The following UGT1A6 variants were observed in gnomAD, a reference collection of about 807,000 sequenced individuals.
UGT1A6 encodes the protein UDP glucuronosyltransferase family 1 member A6.
A neutral mutation model predicts 44.4 loss-of-function variants in UGT1A6; 32 were observed. The observed-to-expected ratio is 0.72, with a 90% CI of 0.54 to 0.97. The LOEUF (loss-of-function observed/expected upper bound fraction) is 0.97, where lower values mean the gene tolerates loss of function less well. UGT1A6 is among the 50% of genes least tolerant of loss of function. UGT1A6 has a pLI of 0.00. For missense variants in UGT1A6, 685 were observed against 661.9 expected (o/e 1.03, Z -0.38); for synonymous variants, 238 against 248.5 (o/e 0.96, Z 0.40).
chr2:233,695,130 C>CTTTCTTTTTTTTTTT (rs1364557158), intron 1 of UGT1A6, among the ~76,000 whole-genome samples: 3 of 138,838 alleles, frequency 2.2e-5, no homozygotes, highest in South Asian at 2.3e-4. Flanking sequence ...CTTTTCTTTT[C>CTTTCTTTTTTTTTTT]TTTTTTTTTT....
rs1392909464 is a variant in UGT1A6 at position 233,754,916 on chromosome 2, C to T, written c.862-12118C>T. 5.9e-6 allele frequency: 8 copies of T among 1,353,400 alleles called. No homozygotes were observed. The Admixed American group carries it at 9.5e-5, about 16-fold the overall frequency. The allele number at this position is 1,353,400 out of a possible 1,614,324, so 83.8% of individuals were successfully genotyped here. On this transcript the variant is annotated intron_variant, in intron 1 of 4. Coordinates refer to ENST00000305139, the MANE Select transcript of UGT1A6 (RefSeq NM_001072.4). ...TCTGACCCCCCAAAATATTCTCCAG[C>T]GGGTTTCCCAAGAGGTCAAAGGAGA...
intron 1 of UGT1A6, chr2:233,717,940 C>T: frequency 2.2e-6 from 1 of 453,716 alleles, no homozygotes; most frequent in Non-Finnish European, 4.4e-6. Context: ...AGTCTCTATG[C>T]AGACTTGCAG....
intron 1 of UGT1A6, chr2:233,738,996 C>T (rs1041933241): frequency 6.6e-6 from 1 of 152,238 alleles, no homozygotes; most frequent in African/African-American, 2.4e-5. Context: ...GACTTGGTGC[C>T]CTGTGTCCCA....
rs759983270 is a variant in UGT1A6, at chr2:233,693,171, T to C, written c.167T>C (p.Ile56Thr). The C allele has an allele frequency of 3.6e-5, 58 of 1,613,992 alleles. No individual in the cohort carries two copies. The highest frequency in any genetic ancestry group is 4.7e-5 in the Non-Finnish European group (56 of 1,179,992). Residue 56 changes from isoleucine (I) to threonine (T), a missense_variant, in exon 1 of 5, where the codon ATT becomes ACT. Ile to Thr is a moderately conservative substitution (Grantham distance 89). Transcript: ENST00000305139. The part of the protein sequence containing the change: ...VEVLSDRGHE[I>T]VVVVPEVNLL... Reference sequence around the variant, plus strand: ...GTTCTCAGTGACCGGGGTCATGAGATTGTAGTGGTGGTGCCTGAAGTTAAT... The same window carrying C: ...GTTCTCAGTGACCGGGGTCATGAGACTGTAGTGGTGGTGCCTGAAGTTAAT...
intron 1 of UGT1A6, among the ~76,000 whole-genome samples, chr2:233,698,445 A>G (rs2125575630): frequency 6.6e-6 from 1 of 152,352 alleles, no homozygotes; most frequent in South Asian, 2.1e-4. Flanking sequence ...GATATATCAC[A>G]GATCATAGAA....
chr2:233,712,953 C>T (rs759675918), intron 1 of UGT1A6: 31 of 1,612,662 alleles, frequency 1.9e-5, no homozygotes, highest in Middle Eastern at 2.0e-4. Context: ...GGAGGCACAA[C>T]GTGGGGTGGA....
intron 1 of UGT1A6, among the ~76,000 whole-genome samples, chr2:233,750,063 C>T (rs556183809): frequency 6.6e-6 from 1 of 151,926 alleles, no homozygotes; most frequent in South Asian, 2.1e-4. Flanking sequence ...GACTTTGGAA[C>T]TGGGTAACAG....
In UGT1A6 at chr2:233,729,061, T is replaced by C. The variant is rs3806596; in HGVS notation, c.861+35196T>C. On this transcript the variant is annotated intron_variant, in intron 1 of 4. Transcript: ENST00000305139. ...TGGCTCAGTGACAAGGTAATTAAGA[T>C]GAAGAAAGCAAATGTAGCAGGCACA... The C allele has an allele frequency of 0.47, 753,810 of 1,610,256 alleles. 184,343 individuals are homozygous for C. Among genetic ancestry groups the C allele is most frequent in the African/African-American group, 0.83 (61,848 of 74,960 alleles).
intron 1 of UGT1A6, among the ~76,000 whole-genome samples, chr2:233,731,168 T>A (rs1313291260): frequency 6.6e-6 from 1 of 152,138 alleles, no homozygotes; most frequent in Non-Finnish European, 1.5e-5. Flanking sequence ...AACGACATGA[T>A]TTTTTTATGC....
chr2:233,697,556 A>T, intron 1 of UGT1A6, among the ~76,000 whole-genome samples: 1 of 140,582 alleles, frequency 7.1e-6, no homozygotes, highest in African/African-American at 2.7e-5. Context: ...TTGTTTATTT[A>T]GCCTCAATTT....
rs4124874 is a variant in UGT1A6, at chr2:233,757,013, T to G, written c.862-10021T>G. On this transcript the variant is annotated intron_variant, in intron 1 of 4. Coordinates refer to ENST00000305139, the MANE Select transcript of UGT1A6 (RefSeq NM_001072.4). ...AAGCTGGCCAAGGGTAGAGTTCAGT[T>G]TGAACAAAGCAATTTGAGAACATCA... Among the ~76,000 whole-genome samples the G allele has an allele frequency of 0.56, 83,838 of 151,034 alleles. 25,476 individuals are homozygous for G. The highest frequency in any genetic ancestry group is 0.82 in the African/African-American group (33,726 of 41,116).
Position 233,693,150 on chromosome 2 carries a change from T to G in UGT1A6, c.146T>G (p.Leu49Arg), listed in dbSNP as rs768130153. ...AGTATGAAGGATATAGTTGAGGTTC[T>G]CAGTGACCGGGGTCATGAGATTGTA... ...WLSMKDIVEV[L>R]SDRGHEIVVV... The change falls in exon 1 of 5, where the codon CTC becomes CGC. Residue 49 changes from leucine (L) to arginine (R), a missense_variant. Coordinates refer to ENST00000305139, the MANE Select transcript of UGT1A6 (RefSeq NM_001072.4). 12 of 1,614,140 alleles carry G rather than the reference T, an allele frequency of 7.4e-6. No individual in the cohort carries two copies. The Admixed American group carries it at 2.0e-4, about 27-fold the overall frequency.
At chr2:233,748,764 A>G (rs1260717219) in intron 1 of UGT1A6, among the ~76,000 whole-genome samples, 3 of 151,530 alleles carry the variant, frequency 2.0e-5, no homozygotes, top group Non-Finnish European at 4.4e-5. Flanking sequence ...TTTTGGTTGC[A>G]GGTCAATTGG....
intron 1 of UGT1A6, among the ~76,000 whole-genome samples, chr2:233,764,040 T>A (rs1199805174): frequency 6.6e-6 from 1 of 152,160 alleles, no homozygotes; most frequent in East Asian, 1.9e-4. Flanking sequence ...AAAGAAGAAT[T>A]CTGGGAAAAT....
chr2:233,742,382 T>C (rs1691962910), intron 1 of UGT1A6, among the ~76,000 whole-genome samples: 1 of 152,014 alleles, frequency 6.6e-6, no homozygotes, highest in Admixed American at 6.5e-5. Flanking sequence ...AAGGCACAGA[T>C]GGCTCATGTT....
chr2:233,694,449 C>T (rs182709134), intron 1 of UGT1A6, among the ~76,000 whole-genome samples: 1 of 152,296 alleles, frequency 6.6e-6, no homozygotes. Context: ...TACTGACTGG[C>T]CTTTTCAGCA....
At chr2:233,747,772 G>T in intron 1 of UGT1A6, 1 of 1,613,482 alleles carries the variant, frequency 6.2e-7, no homozygotes, top group Non-Finnish European at 8.5e-7. Flanking sequence ...GGCACACAGT[G>T]TCCAAATCCT....
At chr2:233,720,878 T>TTG (rs1425776914) in intron 1 of UGT1A6, among the ~76,000 whole-genome samples, 1 of 150,714 alleles carries the variant, frequency 6.6e-6, no homozygotes, top group African/African-American at 2.4e-5. Context: ...GCAATTTTTT[T>TTG]TTTTTTTTTT....
intron 1 of UGT1A6, among the ~76,000 whole-genome samples, chr2:233,742,222 G>C (rs1373280517): frequency 2.0e-5 from 3 of 151,942 alleles, no homozygotes; most frequent in Non-Finnish European, 4.4e-5. Context: ...TCAGGGCTGA[G>C]AGCCCCAAAC....
Sources: gnomAD v4.1 joint callset for allele counts (sites outside exome capture counted in the v4.1 genomes callset) on GRCh38, gnomAD v4.1.1 for gene constraint, MANE v1.5 for transcripts, NCBI Gene and HGNC (gene_info 2026-07-23, HGNC 2026-07-21) for gene names.